Variants in AFAP1L2 observed in about 807,000 individuals in gnomAD.
The protein encoded by AFAP1L2 is actin filament-associated protein 1-like 2.
In AFAP1L2, 46 loss-of-function variants were observed where a neutral mutation model predicts 99.3. The observed-to-expected ratio is 0.46, with a 90% CI of 0.37 to 0.59. The LOEUF (loss-of-function observed/expected upper bound fraction) is 0.59, where lower values mean the gene tolerates loss of function less well. AFAP1L2 is among the 20% of genes least tolerant of loss of function. The probability of loss-of-function intolerance (pLI) is 0.00; values close to 1 mark genes in which losing one functional copy is unlikely to be tolerated. For missense variants in AFAP1L2, 959 were observed against 1,034.9 expected, an observed-to-expected ratio of 0.93 and a Z score of 1.01; for synonymous variants, 397 against 419.1, an observed-to-expected ratio of 0.95 and a Z score of 0.64.
At chr10:114,330,686 A>C (rs780950863) in intron 4 of AFAP1L2, among the ~76,000 whole-genome samples, 4 of 152,216 alleles carry the variant, frequency 2.6e-5, no homozygotes, top group Non-Finnish European at 5.9e-5. Flanking sequence ...AGTGGCATGC[A>C]GAACTGGGAT....
At chr10:114,290,891 CAGATT>C (rs1379651152), downstream of AFAP1L2, among the ~76,000 whole-genome samples, 1 of 152,130 alleles carries the variant, frequency 6.6e-6, no homozygotes, top group African/African-American at 2.4e-5. Context: ...TCAAGGGTAA[CAGATT>C]AGGACCTAGA....
chr10:114,328,268 GCCGATAAGCAT>G (rs1324118279), intron 4 of AFAP1L2, among the ~76,000 whole-genome samples: 4 of 152,100 alleles, frequency 2.6e-5, no homozygotes, highest in Admixed American at 2.6e-4. Flanking sequence ...TGGGCTCGTG[GCCGATAAGCAT>G]CCCGAGCCTG....
the AFAP1L2 span, chr10:114,282,564 C>T: frequency 6.2e-7 from 1 of 1,613,992 alleles, no homozygotes; most frequent in Non-Finnish European, 8.5e-7. Context: ...ACAGGACCAC[C>T]TGCCCAGGTA....
chr10:114,394,663 G>A (rs2057501618), intron 1 of AFAP1L2, among the ~76,000 whole-genome samples: 1 of 152,180 alleles, frequency 6.6e-6, no homozygotes, highest in Non-Finnish European at 1.5e-5. Flanking sequence ...AGCAAGAGAT[G>A]CAGGTGCAGG....
chr10:114,305,802 C>G (rs1350220143), intron 10 of AFAP1L2, among the ~76,000 whole-genome samples: 92 of 25,176 alleles, frequency 3.7e-3, no homozygotes, highest in Admixed American at 4.3e-3. Flanking sequence ...ATGCAGGAGG[C>G]GTCGGGGCTG....
At chr10:114,385,935 C>T (rs936760347) in intron 1 of AFAP1L2, among the ~76,000 whole-genome samples, 11 of 152,090 alleles carry the variant, frequency 7.2e-5, no homozygotes, top group Admixed American at 5.9e-4. Flanking sequence ...CACCACCCCC[C>T]GCCCCCCCTC....
chr10:114,367,565 T>G (rs2053463288), intron 1 of AFAP1L2, among the ~76,000 whole-genome samples: 1 of 152,144 alleles, frequency 6.6e-6, no homozygotes, highest in Admixed American at 6.5e-5. Context: ...TGACCAATAA[T>G]GAGTCCAGTC....
chr10:114,282,769 G>A, the AFAP1L2 span, among the ~76,000 whole-genome samples: 6 of 152,142 alleles, frequency 3.9e-5, no homozygotes, highest in Non-Finnish European at 5.9e-5. Flanking sequence ...ATGGAGTGGC[G>A]GCTTTGGGAT....
downstream of AFAP1L2, among the ~76,000 whole-genome samples, chr10:114,292,170 G>A (rs1400332323): frequency 6.6e-6 from 1 of 151,964 alleles, no homozygotes; most frequent in Admixed American, 6.6e-5. Flanking sequence ...CCAGCTACTC[G>A]GGAGGCTGAG....
intron 1 of AFAP1L2, among the ~76,000 whole-genome samples, chr10:114,364,447 GTCATCCTCA>G: frequency 6.6e-6 from 1 of 152,250 alleles, no homozygotes; most frequent in Non-Finnish European, 1.5e-5. Context: ...GAGTTTGCTG[GTCATCCTCA>G]ACATTCCCTG....
At chr10:114,314,761 T>TTCTTGCTGGGTCTGGTC (rs1554890811) in intron 6 of AFAP1L2, among the ~76,000 whole-genome samples, 20 of 151,818 alleles carry the variant, frequency 1.3e-4, no homozygotes, top group Non-Finnish European at 1.0e-4. Context: ...AATGTCTGGT[T>TTCTTGCTGGGTCTGGTC]CCTTGCTGGG....
chr10:114,345,042 A>C (rs892254356), intron 1 of AFAP1L2, among the ~76,000 whole-genome samples: 5 of 150,834 alleles, frequency 3.3e-5, no homozygotes, highest in Non-Finnish European at 7.4e-5. Context: ...GGTTGCAGTG[A>C]GCCGAGATCA....
At chr10:114,299,236 CCT>C (rs2040732181) in intron 16 of AFAP1L2, 22 bp downstream of exon 16, 9 of 1,613,322 alleles carry the variant, frequency 5.6e-6, no homozygotes, top group Non-Finnish European at 7.6e-6. Flanking sequence ...GCTGAGGGTC[CCT>C]CCCCACTGGG....
intron 1 of AFAP1L2, chr10:114,340,977 C>A: frequency 1.8e-6 from 1 of 560,786 alleles, no homozygotes; most frequent in Non-Finnish European, 3.2e-6. Flanking sequence ...AGTCCCAGCC[C>A]TACCAGGTGC....
At chr10:114,312,783 C>G (rs770808719) in intron 7 of AFAP1L2, among the ~76,000 whole-genome samples, 5 of 152,206 alleles carry the variant, frequency 3.3e-5, no homozygotes, top group Non-Finnish European at 4.4e-5. Flanking sequence ...TGGCCTTTTT[C>G]TACATACCAC....
chr10:114,388,831 A>C (rs919845581), intron 1 of AFAP1L2, among the ~76,000 whole-genome samples: 2 of 152,198 alleles, frequency 1.3e-5, no homozygotes, highest in African/African-American at 2.4e-5. Context: ...CCCTCACTTA[A>C]GATATCAATA....
At chr10:114,296,332 A>C in intron 18 of AFAP1L2, 1 of 499,500 alleles carries the variant, frequency 2.0e-6, no homozygotes, top group Non-Finnish European at 3.6e-6. Context: ...GCATGGATTT[A>C]TTGGTTAGCC....
intron 12 of AFAP1L2, 109 bp from the exon 13 acceptor site, chr10:114,301,574 C>T (rs1190947192): frequency 7.8e-6 from 6 of 770,140 alleles, no homozygotes; most frequent in Non-Finnish European, 1.4e-5. Context: ...GTGGTGGCCA[C>T]ACAAGAGATC....
chr10:114,282,687 A>C, the AFAP1L2 span: 1 of 859,998 alleles, frequency 1.2e-6, no homozygotes, highest in South Asian at 1.4e-5. Flanking sequence ...GCTCCAGGGC[A>C]GAGGGATGGG....
Sources: allele counts gnomAD v4.1 joint callset (sites outside exome capture counted in the v4.1 genomes callset), GRCh38; gene constraint gnomAD v4.1.1; transcripts MANE v1.5; gene names NCBI Gene and HGNC (gene_info 2026-07-23, HGNC 2026-07-21).